Variants in DOCK3 observed in about 807,000 individuals in gnomAD.
DOCK3 encodes the protein dedicator of cytokinesis protein 3.
Under a neutral mutation model 265.6 loss-of-function variants are expected in DOCK3, and 60 were observed. The ratio of observed to expected loss-of-function variants is 0.23; its 90% confidence interval spans 0.18 to 0.28. The LOEUF (loss-of-function observed/expected upper bound fraction) is 0.28, where lower values mean the gene tolerates loss of function less well. Among genes scored for constraint, DOCK3 ranks in the 10% least tolerant of loss-of-function variants. The probability of loss-of-function intolerance (pLI) is 1.00; values close to 1 mark genes in which losing one functional copy is unlikely to be tolerated. For synonymous variants in DOCK3, 881 were observed against 938.0 expected (o/e 0.94, Z 1.11); for missense variants, 1,981 against 2,594.3 (o/e 0.76, Z 5.14).
At chr3:50,857,998 A>C (rs553445550) in intron 3 of DOCK3, among the ~76,000 whole-genome samples, 4 of 152,232 alleles carry the variant, frequency 2.6e-5, no homozygotes, top group Non-Finnish European at 4.4e-5. Flanking sequence ...TTGCAGCACT[A>C]TTCACAATAG....
At chr3:51,300,997 C>T (rs1029592968) in intron 27 of DOCK3, among the ~76,000 whole-genome samples, 4 of 152,150 alleles carry the variant, frequency 2.6e-5, no homozygotes, top group African/African-American at 9.7e-5. Context: ...CCTCTTTATA[C>T]CTCTGGTAGA....
intron 3 of DOCK3, among the ~76,000 whole-genome samples, chr3:50,872,742 C>T (rs952051507): frequency 1.3e-5 from 2 of 152,208 alleles, no homozygotes; most frequent in Non-Finnish European, 2.9e-5. Context: ...TGAGCTGGCA[C>T]CAAAACCACA....
At chr3:50,991,790 A>C (rs536734951) in intron 5 of DOCK3, among the ~76,000 whole-genome samples, 1 of 152,168 alleles carries the variant, frequency 6.6e-6, no homozygotes, top group African/African-American at 2.4e-5. Flanking sequence ...CAGAATATAC[A>C]TTCTTCTTAT....
chr3:51,241,678 A>C (rs2078616615), intron 21 of DOCK3, among the ~76,000 whole-genome samples: 1 of 152,138 alleles, frequency 6.6e-6, no homozygotes, highest in African/African-American at 2.4e-5. Flanking sequence ...GCCAGTCTTC[A>C]AGCTCTGAGA....
chr3:50,760,821 C>G (rs2040483351), intron 1 of DOCK3, among the ~76,000 whole-genome samples: 1 of 149,170 alleles, frequency 6.7e-6, no homozygotes, highest in Non-Finnish European at 1.5e-5. Flanking sequence ...CTTGCTCTGT[C>G]TCTCAGGCGG....
chr3:50,905,757 T>C (rs62257815), intron 4 of DOCK3, among the ~76,000 whole-genome samples: 6 of 152,046 alleles, frequency 3.9e-5, no homozygotes, highest in African/African-American at 1.5e-4. Flanking sequence ...CCTTTATTTC[T>C]TTCTCCTGCC....
At chr3:50,808,322 C>T (rs1289078781) in intron 2 of DOCK3, among the ~76,000 whole-genome samples, 1 of 152,160 alleles carries the variant, frequency 6.6e-6, no homozygotes, top group African/African-American at 2.4e-5. Flanking sequence ...TGATAAAAAT[C>T]CAGCAGGCTT....
chr3:51,233,427 G>A (rs921359127), intron 19 of DOCK3, among the ~76,000 whole-genome samples: 2 of 151,886 alleles, frequency 1.3e-5, no homozygotes, highest in Non-Finnish European at 2.9e-5. Context: ...GTACAATGGC[G>A]TGATCTCGGC....
At position 51,222,570 on chromosome 3, in the gene DOCK3, C is replaced by T. The variant is rs978323932; in HGVS notation, c.1253-3079C>T. Among the ~76,000 whole-genome samples, 9 of 152,208 alleles carry T rather than the reference C, an allele frequency of 5.9e-5. No individual in the cohort carries two copies. The East Asian group carries it at 7.7e-4, about 13-fold the overall frequency. ...CCACTCTTGAAATTGAAACCATAAT[C>T]GCATAATTGCAACCCATAAGCCCAA... On this transcript the variant is annotated intron_variant, in intron 14 of 52. Coordinates refer to ENST00000266037, the MANE Select transcript of DOCK3 (RefSeq NM_004947.5).
chr3:51,259,633 T>G lies in DOCK3; in HGVS notation c.2185-523T>G, dbSNP rs549485432. ...CAGCTGCTGTGCAGCCTGGGACAGG[T>G]TTTCTTCAGATTTCTGTGACCCCTG... On this transcript the variant is annotated intron_variant, in intron 22 of 52. Coordinates refer to ENST00000266037, the MANE Select transcript of DOCK3 (RefSeq NM_004947.5). Among the ~76,000 whole-genome samples the G allele has an allele frequency of 2.3e-4, 35 of 152,190 alleles. 1 individual carries two copies. In the South Asian group the frequency reaches 7.3e-3, roughly 32 times the overall value.
At chr3:51,253,685 G>T (rs574210910) in intron 22 of DOCK3, among the ~76,000 whole-genome samples, 1 of 152,222 alleles carries the variant, frequency 6.6e-6, no homozygotes, top group Non-Finnish European at 1.5e-5. Flanking sequence ...ATGGTAGTCT[G>T]TAGTTCGTGG....
chr3:50,739,162 A>G (rs1171658987), intron 1 of DOCK3, among the ~76,000 whole-genome samples: 1 of 152,152 alleles, frequency 6.6e-6, no homozygotes, highest in Non-Finnish European at 1.5e-5. Flanking sequence ...AGTTTTTGCA[A>G]CGTCTTGTTG....
rs2033882909 is a variant in DOCK3, at chr3:50,675,516, C to T, written c.37+216C>T. 6.6e-6 allele frequency among the ~76,000 whole-genome samples: 1 copy of T among 151,620 alleles called. No homozygotes were observed. Among genetic ancestry groups the T allele is most frequent in the African/African-American group, 2.4e-5 (1 of 41,312 alleles). On this transcript the variant is annotated intron_variant, in intron 1 of 52. Transcript: ENST00000266037. This position sits in a 1 kb window ranked among gnomAD's most constrained non-coding sequence, Gnocchi z 6.1. ...CAGAGAGGGCGGCAGGGGGCGCTGG[C>T]GGTGCGGCCTTGGCAGGTGCGGCCC...
At chr3:50,805,230 A>G (rs1315836299) in intron 2 of DOCK3, among the ~76,000 whole-genome samples, 1 of 152,020 alleles carries the variant, frequency 6.6e-6, no homozygotes. Flanking sequence ...CCTAGTTTCC[A>G]TGTAGTTTTT....
Position 51,277,673 on chromosome 3 carries a change from T to C in DOCK3, c.2742T>C (p.Thr914=), listed in dbSNP as rs371369009. Residue 914 remains threonine (T), a synonymous_variant, in exon 26 of 53, where the codon ACT becomes ACC. Coordinates refer to ENST00000266037, the MANE Select transcript of DOCK3 (RefSeq NM_004947.5). ...VESLLDVLLQ[T]LLTIMSKSHA... is the part of the protein sequence containing the mutation. ...GCCTCCTGGACGTGCTCTTGCAGAC[T>C]CTGCTCACCATCATGAGCAAATCGC... The C allele has an allele frequency of 3.4e-4, 547 of 1,606,962 alleles. 12 individuals carry two copies. The South Asian group carries it at 4.8e-3, about 14-fold the overall frequency.
At chr3:51,016,654 T>C (rs1162093623) in intron 5 of DOCK3, among the ~76,000 whole-genome samples, 1 of 80,210 alleles carries the variant, frequency 1.2e-5, no homozygotes, top group Non-Finnish European at 2.1e-5. Context: ...TTTATATGTT[T>C]ATATATATTA....
intron 2 of DOCK3, among the ~76,000 whole-genome samples, chr3:50,815,467 C>G (rs1468086358): frequency 6.6e-6 from 1 of 152,218 alleles, no homozygotes; most frequent in Non-Finnish European, 1.5e-5. Flanking sequence ...TACCTCACTT[C>G]ATAATCATGA....
In DOCK3 at chr3:51,067,458, C is replaced by T. The variant is rs200475869; in HGVS notation, c.464+2862C>T. Among the ~76,000 whole-genome samples the T allele has an allele frequency of 5.6e-3, 118 of 20,924 alleles. No homozygotes were observed. The Middle Eastern group carries it at 0.079, about 14-fold the overall frequency. 13.7% of individuals were successfully genotyped at this position (20,924 alleles called of 152,430 possible). On this transcript the variant is annotated intron_variant, in intron 6 of 52. Transcript: ENST00000266037. ...GTGTGTGTGTGTGTGTGTGTGTGTG[C>T]GCGCGCGTTGGAGGGGTATGTATAT...
chr3:51,075,881 A>G (rs2082039887), intron 7 of DOCK3, among the ~76,000 whole-genome samples: 1 of 152,244 alleles, frequency 6.6e-6, no homozygotes, highest in East Asian at 1.9e-4. Flanking sequence ...TATTACAAAA[A>G]TATGTTGGGT....
Sources: allele counts gnomAD v4.1 joint callset (sites outside exome capture counted in the v4.1 genomes callset), GRCh38; gene constraint gnomAD v4.1.1; non-coding constraint Gnocchi (gnomAD v3.1); transcripts MANE v1.5; gene names NCBI Gene and HGNC (gene_info 2026-07-23, HGNC 2026-07-21).